Variants in RFX2 observed in about 807,000 individuals in gnomAD.
RFX2 encodes the protein DNA-binding protein RFX2.
In RFX2, 20 loss-of-function variants were observed where a neutral mutation model predicts 87.8. The ratio of observed to expected loss-of-function variants is 0.23; its 90% CI spans 0.16 to 0.33. RFX2 has a LOEUF of 0.33. RFX2 is among the 10% of genes least tolerant of loss of function. The pLI is 1.00. For missense variants in RFX2, 767 were observed against 1,012.3 expected (o/e 0.76, Z 3.29); for synonymous variants, 397 against 431.3 (o/e 0.92, Z 0.98).
rs543716844 is a variant in RFX2 at position 5,997,362 on chromosome 19, G to C, written c.1860-149C>G. The C allele has an allele frequency of 2.3e-6, 2 of 888,186 alleles. No homozygotes were observed. The highest frequency in any genetic ancestry group is 3.3e-6 in the Non-Finnish European group (2 of 612,126). 55.0% of individuals were successfully genotyped at this position (888,186 alleles called of 1,614,324 possible). A position where few individuals can be genotyped will look rare whatever the true frequency, so the allele number is the denominator to read the frequency against. ...GATCCTAAGACGTGCAGGCCTACGC[G>C]GGGGCTGACGGGCTGCCGAGACCCT... On this transcript the variant is annotated intron_variant, in intron 15 of 17. Transcript: ENST00000303657. This position sits in a 1 kb window ranked among gnomAD's most constrained non-coding sequence, Gnocchi z 4.2.
At chr19:6,089,159 T>A (rs1375389477) in intron 1 of RFX2, among the ~76,000 whole-genome samples, 2 of 152,242 alleles carry the variant, frequency 1.3e-5, no homozygotes, top group Non-Finnish European at 2.9e-5. Context: ...TTTGGACTCA[T>A]GTCTTTAAAA....
chr19:6,042,372 C>T lies in RFX2; in HGVS notation c.181-249G>A, dbSNP rs143149135. Among the ~76,000 whole-genome samples the T allele has an allele frequency of 1.2e-3, 188 of 152,234 alleles. 6 individuals are homozygous for T. In the East Asian group the frequency reaches 0.025, roughly 20 times the overall value. On this transcript the variant is annotated intron_variant, in intron 3 of 17. Coordinates refer to ENST00000303657, the MANE Select transcript of RFX2 (RefSeq NM_000635.4). ...CCAGAGCTCTGCTAGCGTGTCTGTGCGCCCTGGCTCCTCTGTATACGTGGG... is the reference window on the plus strand; with the variant it reads ...CCAGAGCTCTGCTAGCGTGTCTGTGTGCCCTGGCTCCTCTGTATACGTGGG...
At chr19:6,032,354 T>G (rs1483033345) in intron 5 of RFX2, among the ~76,000 whole-genome samples, 2 of 152,114 alleles carry the variant, frequency 1.3e-5, no homozygotes, top group Non-Finnish European at 2.9e-5. Flanking sequence ...ATGGTCTCGA[T>G]CTCCTGACCT....
intron 5 of RFX2, among the ~76,000 whole-genome samples, chr19:6,035,347 C>T (rs1419486361): frequency 6.6e-6 from 1 of 152,218 alleles, no homozygotes; most frequent in African/African-American, 2.4e-5. Flanking sequence ...GGAGGTTCCA[C>T]TTGGGCAGAA....
At chr19:5,994,988 G>A in intron 17 of RFX2, 38 bp from the exon 18 acceptor site, 1 of 1,454,796 alleles carries the variant, frequency 6.9e-7, no homozygotes, top group Non-Finnish European at 9.5e-7. Flanking sequence ...CCATCATCAG[G>A]AGGGCACGAG....
chr19:6,004,116 C>G lies in RFX2; in HGVS notation c.1500+85G>C. 1 of 1,053,272 alleles carries G rather than the reference C, an allele frequency of 9.5e-7. No individual in the cohort carries two copies. The highest frequency in any genetic ancestry group is 1.5e-6 in the Non-Finnish European group (1 of 671,466). The allele number at this position is 1,053,272 out of a possible 1,614,324, so 65.2% of individuals were successfully genotyped here. On this transcript the variant is annotated intron_variant, in intron 13 of 17. Coordinates refer to ENST00000303657, the MANE Select transcript of RFX2 (RefSeq NM_000635.4). The surrounding 1 kb of genome is among the most constrained non-coding windows in gnomAD (Gnocchi z 4.8). Reference sequence around the variant, plus strand: ...GACGCAGGGAAGAAGCCAGCGCTCTCTGGGACACAGTGGTCCTCATGCTGT... The same window carrying G: ...GACGCAGGGAAGAAGCCAGCGCTCTGTGGGACACAGTGGTCCTCATGCTGT...
rs373566019 is a variant in RFX2 at position 6,002,921 on chromosome 19, C to G, written c.1501-51G>C. Reference sequence around the variant, plus strand: ...AGGGGTTCGCAGGGAGAGCCTGTTCCGCTGCGCTCCTTGCAGGGGTGTGTG... The same window carrying G: ...AGGGGTTCGCAGGGAGAGCCTGTTCGGCTGCGCTCCTTGCAGGGGTGTGTG... On this transcript the variant is annotated intron_variant, in intron 13 of 17. Coordinates refer to ENST00000303657, the MANE Select transcript of RFX2 (RefSeq NM_000635.4). This position sits in a 1 kb window ranked among gnomAD's most constrained non-coding sequence, Gnocchi z 6.7. 2 of 1,557,842 alleles carry G rather than the reference C, an allele frequency of 1.3e-6. No homozygotes were observed. The highest frequency in any genetic ancestry group is 1.7e-6 in the Non-Finnish European group (2 of 1,156,806).
intron 5 of RFX2, among the ~76,000 whole-genome samples, chr19:6,036,131 C>T (rs778520964): frequency 3.3e-5 from 5 of 152,170 alleles, no homozygotes; most frequent in Admixed American, 1.3e-4. Flanking sequence ...GTGCCACATT[C>T]GTGACAATTA....
intron 7 of RFX2, among the ~76,000 whole-genome samples, chr19:6,014,665 G>A (rs2086701513): frequency 1.3e-5 from 2 of 152,194 alleles, no homozygotes; most frequent in Admixed American, 1.3e-4. Flanking sequence ...CCTGAAGCCA[G>A]CAGCTGGGAT....
In RFX2 at chr19:6,063,613, C is replaced by G. The variant is rs2144814435; in HGVS notation, c.-8-16109G>C. On this transcript the variant is annotated intron_variant, in intron 1 of 17. Coordinates refer to ENST00000303657, the MANE Select transcript of RFX2 (RefSeq NM_000635.4). This position sits in a 1 kb window ranked among gnomAD's most constrained non-coding sequence, Gnocchi z 4.0. ...TTGAAGAAGGAGGGAGGCAGAGAGA[C>G]AGCAGCCAGCAGCTCCAAAGGGGAT... Among the ~76,000 whole-genome samples, 1 of 152,310 alleles carries G rather than the reference C, an allele frequency of 6.6e-6. No homozygotes were observed. The highest frequency in any genetic ancestry group is 2.1e-4 in the South Asian group (1 of 4,834).
chr19:6,006,970 G>A (rs747374520), intron 12 of RFX2, 42 bp downstream of exon 12: 2 of 1,602,934 alleles, frequency 1.2e-6, no homozygotes, highest in East Asian at 2.2e-5. Context: ...GAGGCAGGAA[G>A]AGAGGATGGA....
At chr19:5,994,974 G>C (rs2086385426) in intron 17 of RFX2, 24 bp from the exon 18 acceptor site, 1 of 1,565,974 alleles carries the variant, frequency 6.4e-7, no homozygotes, top group Non-Finnish European at 8.7e-7. Flanking sequence ...GGTAGGGTCA[G>C]TGTCCATCAT....
intron 1 of RFX2, among the ~76,000 whole-genome samples, chr19:6,053,076 A>C (rs2087286691): frequency 6.6e-6 from 1 of 152,160 alleles, no homozygotes; most frequent in Non-Finnish European, 1.5e-5. Context: ...AAAAACAATA[A>C]AGAACAAAAT....
At chr19:6,053,792 C>A (rs1332675695) in intron 1 of RFX2, among the ~76,000 whole-genome samples, 1 of 151,910 alleles carries the variant, frequency 6.6e-6, no homozygotes, top group Non-Finnish European at 1.5e-5. Flanking sequence ...TCTGTCTCTA[C>A]TAAAAACACA....
rs1014391313 is a variant in RFX2, at chr19:6,012,425, A to G, written c.899+561T>C. 2.0e-5 allele frequency among the ~76,000 whole-genome samples: 3 copies of G among 152,126 alleles called. No homozygotes were observed. The highest frequency in any genetic ancestry group is 7.2e-5 in the African/African-American group (3 of 41,432). The stretch of plus-strand genomic sequence containing the variant: ...GCTGCAGACTGGGGTGGGGAGGGAA[A>G]GCTGGGTAGGCAGAACATGGAGGAT... On this transcript the variant is annotated intron_variant, in intron 8 of 17. Coordinates refer to ENST00000303657, the MANE Select transcript of RFX2 (RefSeq NM_000635.4). The surrounding 1 kb of genome is among the most constrained non-coding windows in gnomAD (Gnocchi z 4.6).
chr19:6,073,758 C>T (rs1347370800), intron 1 of RFX2, among the ~76,000 whole-genome samples: 1 of 152,126 alleles, frequency 6.6e-6, no homozygotes, highest in African/African-American at 2.4e-5. Context: ...CTCTTTTTTA[C>T]CGTGCAAATT....
intron 1 of RFX2, among the ~76,000 whole-genome samples, chr19:6,090,615 G>T (rs1335880378): frequency 1.3e-5 from 2 of 152,102 alleles, no homozygotes; most frequent in Non-Finnish European, 1.5e-5. Flanking sequence ...GGACAATTTG[G>T]CAGTTAACTT....
Position 6,044,526 on chromosome 19 carries a change from C to T in RFX2, c.91-244G>A, listed in dbSNP as rs1440989833. On this transcript the variant is annotated intron_variant, in intron 2 of 17. Transcript: ENST00000303657. The surrounding 1 kb of genome is among the most constrained non-coding windows in gnomAD (Gnocchi z 5.3). ...ACATACACAAGTGTGCACATACACTCAGCCCATGCACCACACATATGCACG... is the reference window on the plus strand; with the variant it reads ...ACATACACAAGTGTGCACATACACTTAGCCCATGCACCACACATATGCACG... 1.3e-5 allele frequency among the ~76,000 whole-genome samples: 2 copies of T among 152,268 alleles called. No individual in the cohort carries two copies. Among genetic ancestry groups the T allele is most frequent in the African/African-American group, 4.8e-5 (2 of 41,478 alleles).
chr19:6,027,416 G>A lies in RFX2; in HGVS notation c.523-1179C>T, dbSNP rs1382609644. The A allele has an allele frequency of 6.6e-6, 1 of 152,290 alleles. No individual in the cohort carries two copies. The highest frequency in any genetic ancestry group is 1.5e-5 in the Non-Finnish European group (1 of 68,084). 9.4% of individuals were successfully genotyped at this position (152,290 alleles called of 1,614,324 possible). On this transcript the variant is annotated intron_variant, in intron 5 of 17. Transcript: ENST00000303657. The surrounding 1 kb of genome is among the most constrained non-coding windows in gnomAD (Gnocchi z 5.0). ...CTCTCCCACCCATCAGCCTCAGGGT[G>A]CAGGCGATGAGAAGGCAATCGCCAC...
Sources: gnomAD v4.1 joint callset for allele counts (sites outside exome capture counted in the v4.1 genomes callset) on GRCh38, gnomAD v4.1.1 for gene constraint, Gnocchi (gnomAD v3.1) non-coding constraint, MANE v1.5 for transcripts, NCBI Gene and HGNC (gene_info 2026-07-23, HGNC 2026-07-21) for gene names.